The following ZNF669 variants were observed in gnomAD, a reference collection of about 807,000 sequenced individuals.
ZNF669 encodes the protein zinc finger protein 669.
Under a neutral mutation model 11.4 loss-of-function variants are expected in ZNF669, and 7 were observed. The observed-to-expected ratio is 0.62, with a 90% CI of 0.35 to 1.16. The LOEUF is 1.16. Ranked by LOEUF, ZNF669 falls within the 50% of genes most tolerant of loss-of-function variation. The pLI is 0.02. For synonymous variants in ZNF669, 153 were observed against 155.8 expected (o/e 0.98, Z 0.13); for missense variants, 492 against 463.6 (o/e 1.06, Z -0.56).
rs1671690850 is a variant in ZNF669, at chr1:247,100,355, T to A, written c.*19A>T. The A allele has an allele frequency of 7.2e-7, 1 of 1,396,046 alleles. No homozygotes were observed. Among genetic ancestry groups the A allele is most frequent in the Admixed American group, 2.0e-5 (1 of 49,838 alleles). The allele number at this position is 1,396,046 out of a possible 1,614,324, so 86.5% of individuals were successfully genotyped here. ...TGTTTCACATTGTTTTAATCCAGGC[T>A]GGTTATGAACTCCTGGGCTCAAGCA... On this transcript the variant is annotated 3_prime_UTR_variant, in exon 4 of 4. Transcript: ENST00000448299.
At chr1:247,102,167 G>C in intron 1 of ZNF669, 54 bp from the exon 2 acceptor site, 2 of 1,524,062 alleles carry the variant, frequency 1.3e-6, no homozygotes, top group African/African-American at 1.4e-5. Flanking sequence ...ACAGCACTGG[G>C]AATCTATACT....
rs148474673 is a variant in ZNF669, at chr1:247,104,184, G to A, written c.3+13C>T. ...TCTTCTCCACTTCGGGAAGCCAGGC[G>A]CAGTCCACTCACCATTCCTCGGCTT... On this transcript the variant is annotated intron_variant, in intron 1 of 3. Coordinates refer to ENST00000448299, the MANE Select transcript of ZNF669 (RefSeq NM_001142572.2). The A allele has an allele frequency of 1.3e-6, 2 of 1,530,784 alleles. No individual in the cohort carries two copies. The highest frequency in any genetic ancestry group is 1.8e-6 in the Non-Finnish European group (2 of 1,140,340). The allele number at this position is 1,530,784 out of a possible 1,614,324, so 94.8% of individuals were successfully genotyped here.
chr1:247,100,687 G>T lies in ZNF669; in HGVS notation c.824C>A (p.Pro275His). ...YHGSIHTGERPYECKQCGKAF... is the reference protein window; with the variant it reads ...YHGSIHTGERHYECKQCGKAF... ...TTTGCCACATTGTTTACACTCATAG[G>T]GTCTCTCTCCAGTATGAATGCTTCC... Residue 275 changes from proline (P) to histidine (H), a missense_variant, in exon 4 of 4, where the codon CCC becomes CAC. By Grantham distance (77) the Pro-to-His change is moderately conservative (BLOSUM62 -2). Transcript: ENST00000448299. 2 of 1,614,112 alleles carry T rather than the reference G, an allele frequency of 1.2e-6. No individual in the cohort carries two copies. The highest frequency in any genetic ancestry group is 1.7e-6 in the Non-Finnish European group (2 of 1,179,996).
intron 1 of ZNF669, 173 bp downstream of exon 1, chr1:247,104,024 G>A: frequency 6.3e-7 from 1 of 1,592,232 alleles, no homozygotes; most frequent in Non-Finnish European, 8.5e-7. Flanking sequence ...CAGGGGTTCC[G>A]CTGCCCGCCC....
chr1:247,103,359 C>A (rs540062387), intron 1 of ZNF669, among the ~76,000 whole-genome samples: 2 of 152,202 alleles, frequency 1.3e-5, no homozygotes, highest in Admixed American at 6.5e-5. Flanking sequence ...TTTGGCCGAG[C>A]GCGGTGGCTC....
At chr1:247,104,156 C>A (rs368294971) in intron 1 of ZNF669, 41 bp downstream of exon 1, 21 of 1,546,214 alleles carry the variant, frequency 1.4e-5, no homozygotes, top group South Asian at 1.1e-4. Context: ...TTTCAACCAG[C>A]CCTCTTCTCC....
intron 2 of ZNF669, 57 bp downstream of exon 2, chr1:247,101,930 A>T: frequency 6.2e-7 from 1 of 1,611,452 alleles, no homozygotes; most frequent in Non-Finnish European, 8.5e-7. Flanking sequence ...AATCATAAAT[A>T]GCACTGATGA....
At position 247,101,131 on chromosome 1, in the gene ZNF669, C is replaced by A. The variant is rs1269348898; in HGVS notation, c.380G>T (p.Gly127Val). 2 of 1,614,074 alleles carry A rather than the reference C, an allele frequency of 1.2e-6. No homozygotes were observed. Among genetic ancestry groups the A allele is most frequent in the Non-Finnish European group, 1.7e-6 (2 of 1,180,018 alleles). Residue 127 changes from glycine (G) to valine (V), a missense_variant, in exon 4 of 4, where the codon GGA becomes GTA. Coordinates refer to ENST00000448299, the MANE Select transcript of ZNF669 (RefSeq NM_001142572.2). Reference protein sequence around the residue: ...LLNRHILAHSGYKPYGEKQYK... With the variant: ...LLNRHILAHSVYKPYGEKQYK... ...TTGCTTCTCTCCATATGGTTTGTAT[C>A]CTGAGTGAGCTAGGATATGCCTATT...
intron 3 of ZNF669, 21 bp downstream of exon 3, chr1:247,101,705 TATTTC>T (rs747736463): frequency 6.3e-7 from 1 of 1,595,796 alleles, no homozygotes; most frequent in Admixed American, 1.7e-5. Context: ...CAGAGGACTT[TATTTC>T]CTCTGCTCAG....
In ZNF669 at chr1:247,104,322, C is replaced by T; in HGVS notation, c.-123G>A. 1.5e-6 allele frequency: 2 copies of T among 1,307,820 alleles called. No individual in the cohort carries two copies. The highest frequency in any genetic ancestry group is 3.7e-5 in the South Asian group (2 of 54,778). The allele number at this position is 1,307,820 out of a possible 1,614,324, so 81.0% of individuals were successfully genotyped here. ...CAGAGCCAAGAACTAGCAGCGGAGA[C>T]TAACAGGAAGAGCCGGCTCCGGCGA... On this transcript the variant is annotated 5_prime_UTR_variant, in exon 1 of 4. Transcript: ENST00000448299.
Position 247,100,697 on chromosome 1 carries a change from C to T in ZNF669, c.814G>A (p.Gly272Arg). ...SLRYHGSIHT[G>R]ERPYECKQCG... ...TGTTTACACTCATAGGGTCTCTCTC[C>T]AGTATGAATGCTTCCATGGTAACGA... The change falls in exon 4 of 4, where the codon GGA becomes AGA. Residue 272 changes from glycine (G) to arginine (R), a missense_variant. Gly to Arg is a moderately radical substitution (Grantham distance 125). Transcript: ENST00000448299. The T allele has an allele frequency of 6.2e-7, 1 of 1,614,190 alleles. No homozygotes were observed. The highest frequency in any genetic ancestry group is 8.5e-7 in the Non-Finnish European group (1 of 1,180,038).
intron 1 of ZNF669, 127 bp downstream of exon 1, chr1:247,104,070 C>T (rs200249822): frequency 1.9e-6 from 3 of 1,583,518 alleles, no homozygotes; most frequent in East Asian, 4.7e-5. Context: ...AGGACTGAGC[C>T]CCGGCTACGC....
rs560266054 is a variant in ZNF669 at position 247,104,299 on chromosome 1, G to C, written c.-100C>G. 7.1e-7 allele frequency: 1 copy of C among 1,408,790 alleles called. No individual in the cohort carries two copies. Among genetic ancestry groups the C allele is most frequent in the East Asian group, 2.8e-5 (1 of 35,582 alleles). 87.3% of individuals were successfully genotyped at this position (1,408,790 alleles called of 1,614,324 possible). On this transcript the variant is annotated 5_prime_UTR_variant, in exon 1 of 4. Transcript: ENST00000448299. ...GCTGCAGAGCCACCTGGGCCTCCCA[G>C]AGCCAAGAACTAGCAGCGGAGACTA...
In ZNF669 at chr1:247,100,532, T is replaced by A. The variant is rs551554315; in HGVS notation, c.979A>T (p.Thr327Ser). ...TTACATTCATAGGGTTTTTCTCCAG[T>A]ATGAATTCTTTCGTGGAGGTGAAGG... is the stretch of plus-strand genomic sequence containing the variant. ...SSLHLHERIHTGEKPYECKKC... is the reference protein window; with the variant it reads ...SSLHLHERIHSGEKPYECKKC... Residue 327 changes from threonine (T) to serine (S), a missense_variant, in exon 4 of 4, where the codon ACT becomes TCT. Coordinates refer to ENST00000448299, the MANE Select transcript of ZNF669 (RefSeq NM_001142572.2). The A allele has an allele frequency of 6.2e-7, 1 of 1,614,238 alleles. No individual in the cohort carries two copies. Among genetic ancestry groups the A allele is most frequent in the African/African-American group, 1.3e-5 (1 of 75,056 alleles).
chr1:247,101,879 T>C (rs1671732082), intron 2 of ZNF669, 88 bp from the exon 3 acceptor site: 1 of 1,600,666 alleles, frequency 6.2e-7, no homozygotes, highest in South Asian at 1.1e-5. Flanking sequence ...ACAGTGCCCA[T>C]GCCTGATTTA....
intron 1 of ZNF669, among the ~76,000 whole-genome samples, chr1:247,103,527 G>A (rs1177257465): frequency 2.0e-5 from 3 of 150,850 alleles, no homozygotes; most frequent in East Asian, 1.9e-4. Context: ...CCAACTACTC[G>A]GGAGGCTGAG....
At chr1:247,103,006 G>A (rs1011857636) in intron 1 of ZNF669, among the ~76,000 whole-genome samples, 9 of 151,936 alleles carry the variant, frequency 5.9e-5, no homozygotes, top group Non-Finnish European at 1.3e-4. Context: ...GGCTTTTTTA[G>A]GCAAGAAAAA....
intron 1 of ZNF669, among the ~76,000 whole-genome samples, chr1:247,103,728 C>T (rs1354734722): frequency 6.6e-6 from 1 of 151,532 alleles, no homozygotes; most frequent in African/African-American, 2.4e-5. Context: ...GGACCCCAAA[C>T]CACAAACCAT....
chr1:247,104,161 T>C (rs1035575315), intron 1 of ZNF669, 36 bp downstream of exon 1: 1 of 1,541,160 alleles, frequency 6.5e-7, no homozygotes, highest in South Asian at 1.2e-5. Flanking sequence ...ACCAGCCCTC[T>C]TCTCCACTTC....
Sources: allele counts gnomAD v4.1 joint callset (sites outside exome capture counted in the v4.1 genomes callset), GRCh38; gene constraint gnomAD v4.1.1; transcripts MANE v1.5; gene names NCBI Gene and HGNC (gene_info 2026-07-23, HGNC 2026-07-21).